HDAC9: variants seen among roughly 807,000 people sequenced by gnomAD.
HDAC9 encodes the protein MEF-2 interacting transcription repressor (MITR) protein.
In HDAC9, 41 loss-of-function variants were observed where a neutral mutation model predicts 139.4. That is an observed-to-expected ratio of 0.29 (90% confidence interval 0.23 to 0.38). HDAC9 has a LOEUF of 0.38. Ranked by LOEUF, HDAC9 falls within the 10% of genes least tolerant of loss-of-function variation. The pLI is 1.00. For synonymous variants in HDAC9, 517 were observed against 476.2 expected (o/e 1.09, Z -1.12); for missense variants, 1,147 against 1,297.0 (o/e 0.88, Z 1.78).
intron 2 of HDAC9, among the ~76,000 whole-genome samples, chr7:18,562,282 T>C (rs10235067): frequency 0.26 from 39,176 of 152,060 alleles, 5,246 homozygotes; most frequent in Admixed American, 0.33. Context: ...GGATTGATGG[T>C]ATTATTTTCA....
intron 16 of HDAC9, among the ~76,000 whole-genome samples, chr7:18,770,262 T>C (rs1790175927): frequency 1.3e-5 from 2 of 152,130 alleles, no homozygotes; most frequent in Admixed American, 6.6e-5. Flanking sequence ...TCAGTTATTA[T>C]GGCTGACTCA....
intron 1 of HDAC9, among the ~76,000 whole-genome samples, chr7:18,117,548 G>A (rs374268619): frequency 4.0e-5 from 6 of 151,330 alleles, no homozygotes; most frequent in African/African-American, 9.7e-5. Flanking sequence ...TGAGATCCCC[G>A]CAGGGAAAAC....
At chr7:18,525,326 A>C (rs1456525717) in intron 2 of HDAC9, among the ~76,000 whole-genome samples, 1 of 152,136 alleles carries the variant, frequency 6.6e-6, no homozygotes, top group Non-Finnish European at 1.5e-5. Flanking sequence ...AATTGCGTTA[A>C]ATATTTTAAA....
At chr7:18,358,058 G>A (rs1009926978) in intron 1 of HDAC9, among the ~76,000 whole-genome samples, 1 of 152,216 alleles carries the variant, frequency 6.6e-6, no homozygotes, top group South Asian at 2.1e-4. Context: ...GTGTGGTGGT[G>A]GGCACCTGTA....
At chr7:18,366,190 T>C (rs1426670564) in intron 1 of HDAC9, among the ~76,000 whole-genome samples, 1 of 152,106 alleles carries the variant, frequency 6.6e-6, no homozygotes, top group East Asian at 1.9e-4. Context: ...AAACTGATCA[T>C]GGGTGATGAT....
chr7:18,865,056 AAAC>A (rs940291013), intron 21 of HDAC9, among the ~76,000 whole-genome samples: 12 of 152,152 alleles, frequency 7.9e-5, no homozygotes, highest in South Asian at 2.1e-4. Flanking sequence ...AAAACAAACA[AAAC>A]AACAACAACA....
intron 22 of HDAC9, among the ~76,000 whole-genome samples, chr7:18,929,950 T>A (rs1336008560): frequency 5.2e-5 from 5 of 95,914 alleles, no homozygotes; most frequent in East Asian, 4.8e-4. Context: ...AAAAAAAAAA[T>A]ATCTGAAACA....
chr7:18,338,711 C>T (rs878886099), intron 1 of HDAC9, among the ~76,000 whole-genome samples: 1 of 151,356 alleles, frequency 6.6e-6, no homozygotes, highest in Admixed American at 6.6e-5. Flanking sequence ...TAACATTGGT[C>T]TATAATTTTC....
At chr7:18,224,186 T>C (rs1792895732) in intron 2 of HDAC9, among the ~76,000 whole-genome samples, 1 of 152,200 alleles carries the variant, frequency 6.6e-6, no homozygotes, top group African/African-American at 2.4e-5. Flanking sequence ...CATTACTGTT[T>C]ATGAAGTCAG....
At chr7:18,612,902 T>A (rs1276510275) in intron 6 of HDAC9, among the ~76,000 whole-genome samples, 3 of 151,924 alleles carry the variant, frequency 2.0e-5, no homozygotes, top group Non-Finnish European at 4.4e-5. Flanking sequence ...AGAAAGTTTC[T>A]GAGTTTTAAA....
At chr7:18,271,730 C>CA (rs1278623024) in intron 2 of HDAC9, among the ~76,000 whole-genome samples, 5 of 152,282 alleles carry the variant, frequency 3.3e-5, no homozygotes, top group Non-Finnish European at 5.9e-5. Flanking sequence ...CCTGACACCC[C>CA]ATGCTTCCTT....
At chr7:18,594,351 G>T (rs533811114) in intron 6 of HDAC9, among the ~76,000 whole-genome samples, 1 of 152,030 alleles carries the variant, frequency 6.6e-6, no homozygotes, top group African/African-American at 2.4e-5. Flanking sequence ...ATTAGATAGG[G>T]CCTCTGTAAT....
chr7:18,225,033 C>A (rs557710251), intron 2 of HDAC9, among the ~76,000 whole-genome samples: 25 of 152,084 alleles, frequency 1.6e-4, no homozygotes, highest in African/African-American at 6.0e-4. Flanking sequence ...AAAAAAAAAC[C>A]CTCACTGATC....
At chr7:18,097,465 C>CTTT (rs34184774) in intron 1 of HDAC9, among the ~76,000 whole-genome samples, 6 of 139,852 alleles carry the variant, frequency 4.3e-5, no homozygotes, top group Admixed American at 2.9e-4. Context: ...ACACTTTTAC[C>CTTT]TTTTTTTTTT....
intron 17 of HDAC9, among the ~76,000 whole-genome samples, chr7:18,817,422 A>G (rs1371352053): frequency 5.3e-5 from 8 of 152,332 alleles, no homozygotes; most frequent in African/African-American, 1.9e-4. Context: ...AAACCCAAAG[A>G]GGGTTCAACC....
intron 2 of HDAC9, among the ~76,000 whole-genome samples, chr7:18,528,060 G>A (rs1385929283): frequency 6.6e-6 from 1 of 152,030 alleles, no homozygotes; most frequent in Non-Finnish European, 1.5e-5. Flanking sequence ...GGAGGGCGAG[G>A]CAGTAGGATC....
intron 1 of HDAC9, among the ~76,000 whole-genome samples, chr7:18,137,414 C>G (rs904097725): frequency 6.6e-6 from 1 of 150,596 alleles, no homozygotes; most frequent in Non-Finnish European, 1.5e-5. Context: ...CAGTTTTTGC[C>G]CATTCAGTAT....
chr7:18,220,881 T>A (rs1186435722), intron 2 of HDAC9, among the ~76,000 whole-genome samples: 1 of 152,172 alleles, frequency 6.6e-6, no homozygotes, highest in African/African-American at 2.4e-5. Flanking sequence ...ATTTCTCACT[T>A]ATTTCCTACT....
chr7:18,936,516 T>C (rs1259115247), intron 23 of HDAC9, among the ~76,000 whole-genome samples: 1 of 152,196 alleles, frequency 6.6e-6, no homozygotes, highest in South Asian at 2.1e-4. Context: ...ATGGCTACAT[T>C]GCAACATACT....
Sources: gnomAD v4.1 joint callset for allele counts (sites outside exome capture counted in the v4.1 genomes callset) on GRCh38, gnomAD v4.1.1 for gene constraint, MANE v1.5 for transcripts, NCBI Gene and HGNC (gene_info 2026-07-23, HGNC 2026-07-21) for gene names.